The following TSPAN5 variants were observed in gnomAD, a reference collection of about 807,000 sequenced individuals.
TSPAN5 encodes the protein tetraspanin 5.
In TSPAN5, 10 loss-of-function variants were observed where a neutral mutation model predicts 37.1. That is an observed-to-expected ratio of 0.27 (90% CI 0.17 to 0.46). The LOEUF is 0.46. Ranked by LOEUF, TSPAN5 falls within the 20% of genes least tolerant of loss-of-function variation. The probability of loss-of-function intolerance (pLI) is 1.00; values close to 1 mark genes in which losing one functional copy is unlikely to be tolerated. For synonymous variants in TSPAN5, 110 were observed against 118.9 expected (o/e 0.93, Z 0.48); for missense variants, 195 against 326.6 (o/e 0.60, Z 3.11).
At chr4:98,496,247 A>C (rs1237722610) in intron 2 of TSPAN5, 1 of 152,204 alleles carries the variant, frequency 6.6e-6, no homozygotes, top group Non-Finnish European at 1.5e-5. Context: ...CCCTATAAAA[A>C]CTTGTCAAAG....
At chr4:98,486,959 T>A (rs1752975588) in intron 2 of TSPAN5, 75 bp from the exon 3 acceptor site, 1 of 1,506,884 alleles carries the variant, frequency 6.6e-7, no homozygotes, top group Admixed American at 1.9e-5. Flanking sequence ...GATTATTGCA[T>A]TTGTCCTTTC....
intron 1 of TSPAN5, among the ~76,000 whole-genome samples, chr4:98,613,631 C>T (rs1756252947): frequency 6.6e-6 from 1 of 152,018 alleles, no homozygotes; most frequent in South Asian, 2.1e-4. Flanking sequence ...ATATGCCAAC[C>T]TTTCCCCATA....
intron 1 of TSPAN5, among the ~76,000 whole-genome samples, chr4:98,539,947 T>C (rs1431008980): frequency 3.3e-5 from 5 of 152,162 alleles, no homozygotes; most frequent in African/African-American, 9.7e-5. Context: ...AGGCGGCCCA[T>C]ATGGCAAGAA....
At chr4:98,589,553 T>G (rs1257006395) in intron 1 of TSPAN5, among the ~76,000 whole-genome samples, 6 of 152,354 alleles carry the variant, frequency 3.9e-5, no homozygotes, top group Admixed American at 3.9e-4. Flanking sequence ...GGCACCTTTC[T>G]TTCCTCCTTA....
At chr4:98,547,100 AG>A (rs764530734) in intron 1 of TSPAN5, among the ~76,000 whole-genome samples, 1 of 152,150 alleles carries the variant, frequency 6.6e-6, no homozygotes, top group Non-Finnish European at 1.5e-5. Flanking sequence ...CTGGGCTAAA[AG>A]AAACACCTCG....
chr4:98,626,886 G>GTTTTT (rs34770397), intron 1 of TSPAN5, among the ~76,000 whole-genome samples: 13 of 83,464 alleles, frequency 1.6e-4, no homozygotes, highest in South Asian at 4.5e-4. Context: ...ATGAGAGCAG[G>GTTTTT]TTTTTTTTTT....
chr4:98,542,133 G>A (rs1032786712), intron 1 of TSPAN5, among the ~76,000 whole-genome samples: 7 of 152,048 alleles, frequency 4.6e-5, no homozygotes, highest in Non-Finnish European at 8.8e-5. Context: ...CTTACCTGAC[G>A]GGGTTCTGTG....
At chr4:98,505,435 C>T (rs571896217) in intron 2 of TSPAN5, among the ~76,000 whole-genome samples, 1 of 152,268 alleles carries the variant, frequency 6.6e-6, no homozygotes, top group Admixed American at 6.5e-5. Flanking sequence ...TGCCTCAGGG[C>T]CACTGCACTT....
chr4:98,482,327 T>C (rs1752858192), intron 3 of TSPAN5, 152 bp from the exon 4 acceptor site: 1 of 648,970 alleles, frequency 1.5e-6, no homozygotes, highest in South Asian at 2.2e-5. Context: ...GATTCATTAA[T>C]AGAATATTAC....
chr4:98,633,330 C>A (rs12498284), intron 1 of TSPAN5, among the ~76,000 whole-genome samples: 1 of 151,982 alleles, frequency 6.6e-6, no homozygotes, highest in South Asian at 2.1e-4. Flanking sequence ...AATCAATGAA[C>A]CTTTCAACAG....
At chr4:98,652,998 TC>T (rs958473283) in intron 1 of TSPAN5, among the ~76,000 whole-genome samples, 29 of 152,294 alleles carry the variant, frequency 1.9e-4, no homozygotes, top group African/African-American at 6.3e-4. Flanking sequence ...AAGCCTATAT[TC>T]AATTACTTTC....
chr4:98,502,379 T>C (rs896661409), intron 2 of TSPAN5, among the ~76,000 whole-genome samples: 1 of 152,146 alleles, frequency 6.6e-6, no homozygotes, highest in African/African-American at 2.4e-5. Flanking sequence ...CTCCAAAATT[T>C]AGAGGTCAGG....
rs151028471 is a variant in TSPAN5, at chr4:98,571,245, G to A, written c.82-63517C>T. 6.1e-3 allele frequency among the ~76,000 whole-genome samples: 932 copies of A among 152,140 alleles called. 8 individuals are homozygous for A. The highest frequency in any genetic ancestry group is 0.021 in the African/African-American group (892 of 41,530). ...AGGGGACACACATCACATAAAGGGCGGTGTGAAGAACCGCGTGGACCCTGA... is the reference window on the plus strand; with the variant it reads ...AGGGGACACACATCACATAAAGGGCAGTGTGAAGAACCGCGTGGACCCTGA... On this transcript the variant is annotated intron_variant, in intron 1 of 7. Coordinates refer to ENST00000305798, the MANE Select transcript of TSPAN5 (RefSeq NM_005723.4).
At chr4:98,512,176 G>A (rs1753623107) in intron 1 of TSPAN5, among the ~76,000 whole-genome samples, 1 of 151,960 alleles carries the variant, frequency 6.6e-6, no homozygotes, top group Non-Finnish European at 1.5e-5. Flanking sequence ...TCGCGCCACT[G>A]CACTACAGCC....
chr4:98,488,577 C>A (rs1023846479), intron 2 of TSPAN5, among the ~76,000 whole-genome samples: 2 of 152,232 alleles, frequency 1.3e-5, no homozygotes, highest in African/African-American at 2.4e-5. Context: ...AAGGCAACCA[C>A]ACCCTTCACA....
chr4:98,493,344 G>T (rs1753126267), intron 2 of TSPAN5, among the ~76,000 whole-genome samples: 1 of 152,130 alleles, frequency 6.6e-6, no homozygotes, highest in South Asian at 2.1e-4. Flanking sequence ...AAGCCCTGGG[G>T]GCTAAAGATG....
At chr4:98,587,150 T>C (rs977231193) in intron 1 of TSPAN5, among the ~76,000 whole-genome samples, 9 of 151,962 alleles carry the variant, frequency 5.9e-5, no homozygotes, top group Admixed American at 4.6e-4. Flanking sequence ...TCAGGAAAAG[T>C]GGAGGGCGCC....
intron 1 of TSPAN5, among the ~76,000 whole-genome samples, chr4:98,553,873 C>T (rs757456223): frequency 1.4e-4 from 21 of 152,070 alleles, no homozygotes; most frequent in Admixed American, 2.0e-4. Context: ...TCGAGACCAG[C>T]CTGGCCCACA....
chr4:98,621,611 G>T (rs1348013508), intron 1 of TSPAN5, among the ~76,000 whole-genome samples: 20 of 151,760 alleles, frequency 1.3e-4, no homozygotes, highest in Non-Finnish European at 2.9e-5. Flanking sequence ...CTCGTGATCC[G>T]CCCGCCTCAG....
Sources: allele counts gnomAD v4.1 joint callset (sites outside exome capture counted in the v4.1 genomes callset), GRCh38; gene constraint gnomAD v4.1.1; transcripts MANE v1.5; gene names NCBI Gene and HGNC (gene_info 2026-07-23, HGNC 2026-07-21).